Variants in GCSAML observed in about 807,000 individuals in gnomAD.
GCSAML encodes germinal center associated signaling and motility like, also known as germinal center-associated signaling and motility-like protein.
In GCSAML, 9 loss-of-function variants were observed where a neutral mutation model predicts 13.0. The observed-to-expected ratio is 0.69, with a 90% CI of 0.42 to 1.21. The LOEUF is 1.21. Among genes scored for constraint, GCSAML ranks in the 50% most tolerant of loss-of-function variants. GCSAML has a pLI of 0.00. For synonymous variants in GCSAML, 37 were observed against 52.9 expected, an observed-to-expected ratio of 0.70 and a Z score of 1.31; for missense variants, 143 against 153.4, an observed-to-expected ratio of 0.93 and a Z score of 0.36.
At chr1:247,546,505 C>G (rs1406136091), upstream of GCSAML, among the ~76,000 whole-genome samples, 1 of 151,974 alleles carries the variant, frequency 6.6e-6, no homozygotes. Context: ...ACTACAGGTG[C>G]CCGCCACCAC....
chr1:247,557,294 C>T (rs1667989504), intron 2 of GCSAML, among the ~76,000 whole-genome samples: 1 of 152,106 alleles, frequency 6.6e-6, no homozygotes, highest in Non-Finnish European at 1.5e-5. Flanking sequence ...ACTTTAACGT[C>T]ACTTCTGTTT....
At chr1:247,538,816 C>T (rs2103336) in intron 2 of GCSAML, 108,026 of 451,222 alleles carry the variant, frequency 0.24, 14,341 homozygotes, top group East Asian at 0.35. Flanking sequence ...TTCTGTTGCC[C>T]GCCACCACCC....
rs1473702143 is a variant in GCSAML, at chr1:247,574,734, C to T, written c.*352C>T. On this transcript the variant is annotated 3_prime_UTR_variant, in exon 5 of 5. Coordinates refer to ENST00000366488, the MANE Select transcript of GCSAML (RefSeq NM_145278.5). ...ACCCTCTTCTAGGCCAAAGAGACCT[C>T]AGATGAACCTGAAAGACTGAATTCT... The T allele has an allele frequency of 4.4e-6, 1 of 229,726 alleles. No individual in the cohort carries two copies. The highest frequency in any genetic ancestry group is 5.2e-5 in the Admixed American group (1 of 19,350). The allele number at this position is 229,726 out of a possible 1,614,324, so 14.2% of individuals were successfully genotyped here. A position where few individuals can be genotyped will look rare whatever the true frequency, so the allele number is the denominator to read the frequency against.
At chr1:247,572,968 T>C (rs1409022807) in intron 4 of GCSAML, among the ~76,000 whole-genome samples, 1 of 152,312 alleles carries the variant, frequency 6.6e-6, no homozygotes, top group East Asian at 1.9e-4. Flanking sequence ...TTGTTTACAC[T>C]GTGAGGGGAA....
intron 2 of GCSAML, among the ~76,000 whole-genome samples, chr1:247,563,383 T>C (rs1003454179): frequency 3.9e-5 from 6 of 152,254 alleles, no homozygotes; most frequent in African/African-American, 1.4e-4. Context: ...TCATGCTATA[T>C]GGAGCTTTGT....
intron 2 of GCSAML, among the ~76,000 whole-genome samples, chr1:247,557,507 G>A (rs186068229): frequency 2.6e-5 from 4 of 152,206 alleles, no homozygotes; most frequent in Admixed American, 2.0e-4. Flanking sequence ...TCATCTCAAT[G>A]TCTTGGTTTC....
intron 2 of GCSAML, chr1:247,538,796 G>A (rs947947269): frequency 2.9e-5 from 13 of 455,072 alleles, no homozygotes; most frequent in Non-Finnish European, 5.7e-5. Context: ...AGAACTGTGA[G>A]AAAATACATT....
upstream of GCSAML, among the ~76,000 whole-genome samples, chr1:247,545,995 C>T (rs139255824): frequency 5.1e-4 from 78 of 151,850 alleles, no homozygotes; most frequent in Non-Finnish European, 9.4e-4. Flanking sequence ...AGGAAACTGT[C>T]GGAGATGATA....
chr1:247,563,084 G>A (rs1247641160), intron 2 of GCSAML, among the ~76,000 whole-genome samples: 10 of 148,964 alleles, frequency 6.7e-5, no homozygotes, highest in Non-Finnish European at 4.4e-5. Context: ...TCCTAACCTC[G>A]TGATCTGCCC....
chr1:247,529,353 A>AT (rs1326179258), intron 2 of GCSAML: 10 of 152,302 alleles, frequency 6.6e-5, no homozygotes, highest in Non-Finnish European at 1.5e-4. Context: ...CATACTTCAT[A>AT]CCTCAATATT....
chr1:247,556,576 A>G, intron 2 of GCSAML, 110 bp downstream of exon 2: 2 of 689,608 alleles, frequency 2.9e-6, no homozygotes, highest in Non-Finnish European at 4.9e-6. Context: ...TAGGGCCGCT[A>G]TAATAGAGTT....
intron 3 of GCSAML, among the ~76,000 whole-genome samples, chr1:247,564,057 C>T (rs1004618177): frequency 7.2e-5 from 11 of 152,050 alleles, no homozygotes; most frequent in African/African-American, 2.7e-4. Context: ...CCTCAGCCTC[C>T]TGAGTAGCAG....
In GCSAML at chr1:247,526,698, G is replaced by C; in HGVS notation, c.-262-242G>C. 1 of 352,152 alleles carries C rather than the reference G, an allele frequency of 2.8e-6. No homozygotes were observed. The highest frequency in any genetic ancestry group is 2.2e-5 in the South Asian group (1 of 44,808). 21.8% of individuals were successfully genotyped at this position (352,152 alleles called of 1,614,324 possible). A position where few individuals can be genotyped will look rare whatever the true frequency, so the allele number is the denominator to read the frequency against. On this transcript the variant is annotated intron_variant, in intron 1 of 5. Transcript: ENST00000366489. This position sits in a 1 kb window ranked among gnomAD's most constrained non-coding sequence, Gnocchi z 4.8. ...TAGAGGGTTCACAGAGCAGGTTTGGGATGATCCAGGTTTTCTGTCCTGTGA... is the reference window on the plus strand; with the variant it reads ...TAGAGGGTTCACAGAGCAGGTTTGGCATGATCCAGGTTTTCTGTCCTGTGA...
In GCSAML at chr1:247,574,277, GT is replaced by G; in HGVS notation, c.306del (p.Phe102LeufsTer61). On this transcript the variant is annotated frameshift_variant, in exon 5 of 5. Transcript: ENST00000366488. LOFTEE classifies it low-confidence loss of function (END_TRUNC). ...ACTCCCTCACAAGGAAAGTGAGACA[GT>G]TTAGAGAAAGGTCAGAGACAGAATA... ...IDSLTRKVRQ[F>X]RERSETEYAL... The G allele has an allele frequency of 6.2e-7, 1 of 1,614,102 alleles. No individual in the cohort carries two copies. Among genetic ancestry groups the G allele is most frequent in the East Asian group, 2.2e-5 (1 of 44,852 alleles).
At chr1:247,571,956 T>C (rs566556289) in intron 4 of GCSAML, among the ~76,000 whole-genome samples, 1 of 152,350 alleles carries the variant, frequency 6.6e-6, no homozygotes, top group South Asian at 2.1e-4. Context: ...TAAGTTGATC[T>C]TCTATGTCTG....
chr1:247,571,126 C>T (rs1483972192), intron 4 of GCSAML, among the ~76,000 whole-genome samples: 1 of 152,198 alleles, frequency 6.6e-6, no homozygotes, highest in African/African-American at 2.4e-5. Flanking sequence ...CTGAATACAG[C>T]ACACTGATGG....
At chr1:247,513,431 T>C (rs1043350681) in intron 1 of GCSAML, among the ~76,000 whole-genome samples, 14 of 152,212 alleles carry the variant, frequency 9.2e-5, no homozygotes, top group African/African-American at 3.4e-4. Flanking sequence ...CAGTGGATCT[T>C]AGCTTGCTGG....
chr1:247,549,277 G>T (rs892224809), intron 1 of GCSAML, 57 bp downstream of exon 1: 2 of 1,464,562 alleles, frequency 1.4e-6, no homozygotes, highest in Non-Finnish European at 9.5e-7. Flanking sequence ...GAGATAAGGA[G>T]GCTGGACATA....
chr1:247,567,758 C>T (rs1472944265), intron 4 of GCSAML, among the ~76,000 whole-genome samples: 2 of 152,144 alleles, frequency 1.3e-5, no homozygotes, highest in Non-Finnish European at 2.9e-5. Flanking sequence ...GCCACACTGT[C>T]TTCCTCAATG....
Sources: gnomAD v4.1 joint callset for allele counts (sites outside exome capture counted in the v4.1 genomes callset) on GRCh38, gnomAD v4.1.1 for gene constraint, Gnocchi (gnomAD v3.1) non-coding constraint, MANE v1.5 for transcripts, NCBI Gene and HGNC (gene_info 2026-07-23, HGNC 2026-07-21) for gene names.